Variants in PDK1 observed in about 807,000 individuals in gnomAD.
PDK1 encodes [Pyruvate dehydrogenase (acetyl-transferring)] kinase isozyme 1, mitochondrial.
Under a neutral mutation model 54.2 loss-of-function variants are expected in PDK1, and 39 were observed. That is an observed-to-expected ratio of 0.72 (90% CI 0.56 to 0.94). The LOEUF (loss-of-function observed/expected upper bound fraction) is 0.94. Among genes scored for constraint, PDK1 ranks in the 40% least tolerant of loss-of-function variants. The pLI is 0.00. For missense variants in PDK1, 552 were observed against 566.0 expected (o/e 0.98, Z 0.25); for synonymous variants, 221 against 207.1 (o/e 1.07, Z -0.58).
chr2:172,568,806 G>C lies in PDK1; in HGVS notation c.835G>C (p.Glu279Gln). The change falls in exon 7 of 11, where the codon GAA (glutamate) becomes CAA (glutamine). Residue 279 changes from glutamate (E) to glutamine (Q), a missense_variant. Transcript: ENST00000282077. ...ATCCCATCTCTATCACATGGTGTTT[G>C]AACTTTTCAAGGTTTGTAAAATAGT... ...VPSHLYHMVFELFKNAMRATM... is the reference protein window; with the variant it reads ...VPSHLYHMVFQLFKNAMRATM... The C allele has an allele frequency of 6.3e-7, 1 of 1,591,904 alleles. No homozygotes were observed. The highest frequency in any genetic ancestry group is 8.6e-7 in the Non-Finnish European group (1 of 1,159,774).
At chr2:172,719,874 T>C in the PDK1 span, among the ~76,000 whole-genome samples, 1 of 152,248 alleles carries the variant, frequency 6.6e-6, no homozygotes, top group Admixed American at 6.5e-5. Flanking sequence ...GTTCTGTTGA[T>C]CACTTCATCT....
the PDK1 span, among the ~76,000 whole-genome samples, chr2:172,712,368 C>T: frequency 1.7e-4 from 26 of 152,314 alleles, no homozygotes; most frequent in African/African-American, 5.8e-4. Context: ...TTGCTTGGGC[C>T]GCTGGGCTCT....
chr2:172,595,912 T>A lies in PDK1; in HGVS notation c.1254T>A (p.Asp418Glu). Residue 418 changes from aspartate to glutamate, a missense_variant, in exon 11 of 11, where the codon GAT becomes GAA. Physicochemically the swap from Asp to Glu is conservative, Grantham distance 45 (BLOSUM62 2). Transcript: ENST00000282077. The stretch of plus-strand genomic sequence containing the variant: ...ATTACAACACCAACCACGAGGCTGA[T>A]GACTGGTGCGTCCCCAGCAGAGAAC... ...WKHYNTNHEA[D>E]DWCVPSREPK... The A allele has an allele frequency of 6.2e-7, 1 of 1,613,650 alleles. No individual in the cohort carries two copies. Among genetic ancestry groups the A allele is most frequent in the Non-Finnish European group, 8.5e-7 (1 of 1,179,698 alleles).
chr2:172,702,815 G>A, the PDK1 span, among the ~76,000 whole-genome samples: 1 of 152,050 alleles, frequency 6.6e-6, no homozygotes. Flanking sequence ...AGATCACCAT[G>A]ATTGAGGGCA....
At position 172,599,353 on chromosome 2, in the gene PDK1, G is replaced by A. The variant is rs1240059680; in HGVS notation, c.*3384G>A. 6.6e-6 allele frequency: 1 copy of A among 152,098 alleles called. No individual in the cohort carries two copies. The highest frequency in any genetic ancestry group is 1.5e-5 in the Non-Finnish European group (1 of 68,002). The allele number at this position is 152,098 out of a possible 1,614,324, so 9.4% of individuals were successfully genotyped here. ...CCAGAGGTAAATAGCTGGGAAAACT[G>A]TTAGTTTTAAGGTCCCACTGTTGCT... On this transcript the variant is annotated 3_prime_UTR_variant, in exon 11 of 11. Coordinates refer to ENST00000282077, the MANE Select transcript of PDK1 (RefSeq NM_002610.5).
At chr2:172,673,631 C>T in the PDK1 span, among the ~76,000 whole-genome samples, 129 of 152,298 alleles carry the variant, frequency 8.5e-4, no homozygotes, top group African/African-American at 3.0e-3. Flanking sequence ...TACTGTAACA[C>T]AGGTACCAAA....
At chr2:172,714,181 A>G in the PDK1 span, among the ~76,000 whole-genome samples, 7 of 152,374 alleles carry the variant, frequency 4.6e-5, no homozygotes, top group East Asian at 1.3e-3. Flanking sequence ...TTAACATCTG[A>G]AATTTTTCTC....
the PDK1 span, among the ~76,000 whole-genome samples, chr2:172,641,586 C>T: frequency 6.6e-6 from 1 of 151,920 alleles, no homozygotes; most frequent in Non-Finnish European, 1.5e-5. Flanking sequence ...GGACTACAGG[C>T]GCCCGCCACC....
the PDK1 span, among the ~76,000 whole-genome samples, chr2:172,648,659 T>C: frequency 6.6e-6 from 1 of 152,198 alleles, no homozygotes; most frequent in Non-Finnish European, 1.5e-5. Context: ...CCAATGGCCT[T>C]AGCAAATGGT....
intron 2 of PDK1, 82 bp downstream of exon 2, chr2:172,558,931 T>G (rs1688505985): frequency 7.5e-7 from 1 of 1,327,486 alleles, no homozygotes; most frequent in Non-Finnish European, 1.1e-6. Flanking sequence ...TTTTTACTCT[T>G]TGGTGGAATC....
the PDK1 span, among the ~76,000 whole-genome samples, chr2:172,668,945 A>AGAGAGAGG: frequency 2.2e-4 from 32 of 147,340 alleles, 1 homozygote; most frequent in South Asian, 2.4e-3. Context: ...AGAGAAAGAG[A>AGAGAGAGG]GAGAGACGGA....
the PDK1 span, among the ~76,000 whole-genome samples, chr2:172,662,743 AAAT>A: frequency 1.3e-5 from 2 of 152,198 alleles, no homozygotes; most frequent in African/African-American, 4.8e-5. Context: ...CTTTGCAGCT[AAAT>A]AATACATCCT....
chr2:172,671,271 C>T, the PDK1 span, among the ~76,000 whole-genome samples: 1 of 151,290 alleles, frequency 6.6e-6, no homozygotes, highest in Non-Finnish European at 1.5e-5. Flanking sequence ...TCATCAACCA[C>T]TAAGACCCGT....
At chr2:172,698,976 T>C in the PDK1 span, among the ~76,000 whole-genome samples, 4 of 151,988 alleles carry the variant, frequency 2.6e-5, no homozygotes, top group Non-Finnish European at 5.9e-5. Flanking sequence ...TTAAGGAGAG[T>C]GCCTTGACTC....
chr2:172,695,934 AG>A, the PDK1 span, among the ~76,000 whole-genome samples: 6 of 151,960 alleles, frequency 3.9e-5, no homozygotes, highest in Admixed American at 6.6e-5. Context: ...GCACTTTGGG[AG>A]GCTGAGATGG....
At chr2:172,556,407 C>G in intron 1 of PDK1, 61 bp downstream of exon 1, 1 of 1,262,336 alleles carries the variant, frequency 7.9e-7, no homozygotes, top group Non-Finnish European at 1.0e-6. Flanking sequence ...GCTGCGGCCG[C>G]TGCCCCAGGC....
chr2:172,634,772 C>CAAAAAAAAAAAA, the PDK1 span, among the ~76,000 whole-genome samples: 3 of 129,748 alleles, frequency 2.3e-5, no homozygotes, highest in African/African-American at 8.8e-5. Context: ...TCTTAAAATG[C>CAAAAAAAAAAAA]AAAAAAAAAA....
At chr2:172,563,847 G>T (rs1292303868) in intron 3 of PDK1, among the ~76,000 whole-genome samples, 2 of 151,510 alleles carry the variant, frequency 1.3e-5, no homozygotes, top group Admixed American at 6.6e-5. Context: ...AAAAAAAAAA[G>T]ACTTATTTTC....
the PDK1 span, among the ~76,000 whole-genome samples, chr2:172,628,770 G>C: frequency 6.6e-6 from 1 of 151,992 alleles, no homozygotes; most frequent in African/African-American, 2.4e-5. Context: ...ACCTCCATCA[G>C]ATTTAACGTC....
Sources: gnomAD v4.1 joint callset for allele counts (sites outside exome capture counted in the v4.1 genomes callset) on GRCh38, gnomAD v4.1.1 for gene constraint, MANE v1.5 for transcripts, NCBI Gene and HGNC (gene_info 2026-07-23, HGNC 2026-07-21) for gene names.